The following DNMT3A variants were observed in gnomAD, a reference collection of about 807,000 sequenced individuals.
DNMT3A encodes the protein DNA (cytosine-5)-methyltransferase 3A.
A neutral mutation model predicts 117.6 loss-of-function variants in DNMT3A; 267 were observed. That is an observed-to-expected ratio of 2.27 (90% CI 2.05 to 2.51). The LOEUF is 2.51. DNMT3A is among the 30% of genes most tolerant of loss of function. The pLI, the probability that DNMT3A is intolerant of heterozygous loss-of-function variation, is 0.00. For missense variants in DNMT3A, 1,029 were observed against 1,260.2 expected, an observed-to-expected ratio of 0.82 and a Z score of 2.78; for synonymous variants, 432 against 474.8, an observed-to-expected ratio of 0.91 and a Z score of 1.17.
In DNMT3A at chr2:25,244,143, C is replaced by T; in HGVS notation, c.1851+12G>A. 1 of 1,613,966 alleles carries T rather than the reference C, an allele frequency of 6.2e-7. No homozygotes were observed. On this transcript the variant is annotated intron_variant, in intron 15 of 22. Transcript: ENST00000321117. ...AGGGAGCTCGAGACCGCGCCCCAGG[C>T]CCAGCACTCACAAATTCCTGGTCGT...
chr2:25,307,382 T>C (rs2033837183), intron 2 of DNMT3A, among the ~76,000 whole-genome samples: 1 of 149,118 alleles, frequency 6.7e-6, no homozygotes. Flanking sequence ...GGCCTTGAAC[T>C]CCTGACCTCA....
chr2:25,251,600 C>T (rs1675570260), intron 6 of DNMT3A, among the ~76,000 whole-genome samples: 1 of 152,202 alleles, frequency 6.6e-6, no homozygotes, highest in African/African-American at 2.4e-5. Flanking sequence ...TGAGCGCCAC[C>T]GCCCCCAAGC....
At chr2:25,288,558 C>T (rs1464875337) in intron 3 of DNMT3A, among the ~76,000 whole-genome samples, 1 of 152,136 alleles carries the variant, frequency 6.6e-6, no homozygotes, top group Non-Finnish European at 1.5e-5. Flanking sequence ...GATCCACCCA[C>T]CTCAGCCTCC....
chr2:25,341,568 C>CGGGCG (rs1030481100), intron 1 of DNMT3A, among the ~76,000 whole-genome samples: 4 of 144,430 alleles, frequency 2.8e-5, no homozygotes, highest in Non-Finnish European at 6.1e-5. Context: ...GCGCCGGGAG[C>CGGGCG]GGGCGGGACG....
rs1672885420 is a variant in DNMT3A, at chr2:25,231,509, G to A, written c.*2770C>T. On this transcript the variant is annotated 3_prime_UTR_variant, in exon 23 of 23. Transcript: ENST00000321117. The stretch of plus-strand genomic sequence containing the variant: ...AATTTACTCCTGAGTAATGAGCAGG[G>A]GGTCCAAAGCCTTGGTTTGGTTTTG... 2.0e-5 allele frequency: 3 copies of A among 152,244 alleles called. No individual in the cohort carries two copies. Among genetic ancestry groups the A allele is most frequent in the African/African-American group, 7.2e-5 (3 of 41,464 alleles). 9.4% of individuals were successfully genotyped at this position (152,244 alleles called of 1,614,324 possible).
chr2:25,299,184 G>A (rs1026431853), intron 3 of DNMT3A, among the ~76,000 whole-genome samples: 4 of 152,238 alleles, frequency 2.6e-5, no homozygotes, highest in African/African-American at 9.6e-5. Context: ...CCACATCTGA[G>A]TTTAAGACAT....
Position 25,240,868 on chromosome 2 carries a change from C to T in DNMT3A, c.2083-138G>A, listed in dbSNP as rs542787364. ...GAGACCCAGCTGCTCTGCAGGCTCA[C>T]GACCCTAGCTGCAACCATGGACAAG... On this transcript the variant is annotated intron_variant, in intron 17 of 22. Transcript: ENST00000321117. 259 of 766,214 alleles carry T rather than the reference C, an allele frequency of 3.4e-4. 1 individual carries two copies. The African/African-American group carries it at 4.1e-3, about 12-fold the overall frequency. 47.5% of individuals were successfully genotyped at this position (766,214 alleles called of 1,614,324 possible). A position where few individuals can be genotyped will look rare whatever the true frequency, so the allele number is the denominator to read the frequency against.
intron 6 of DNMT3A, among the ~76,000 whole-genome samples, chr2:25,265,410 A>C (rs1329167804): frequency 6.6e-6 from 1 of 152,254 alleles, no homozygotes; most frequent in Non-Finnish European, 1.5e-5. Context: ...AACAGAAGCA[A>C]CACGAGATTT....
At chr2:25,289,370 G>A (rs937165845) in intron 3 of DNMT3A, among the ~76,000 whole-genome samples, 2 of 152,174 alleles carry the variant, frequency 1.3e-5, no homozygotes, top group African/African-American at 4.8e-5. Flanking sequence ...AAAGTGCTGG[G>A]ATTACAGGCG....
At position 25,254,024 on chromosome 2, in the gene DNMT3A, A is replaced by G. The variant is rs1336974603; in HGVS notation, c.640-5772T>C. Among the ~76,000 whole-genome samples, 1 of 151,600 alleles carries G rather than the reference A, an allele frequency of 6.6e-6. No individual in the cohort carries two copies. Among genetic ancestry groups the G allele is most frequent in the Admixed American group, 6.6e-5 (1 of 15,222 alleles). ...GAGGCGGATGTTGCAGTGAGCCGAG[A>G]TCATGCCACTGCACTCCAGCCTGGG... On this transcript the variant is annotated intron_variant, in intron 6 of 22. Coordinates refer to ENST00000321117, the MANE Select transcript of DNMT3A (RefSeq NM_022552.5). The surrounding 1 kb of genome is among the most constrained non-coding windows in gnomAD (Gnocchi z 4.7).
chr2:25,245,374 G>C, intron 12 of DNMT3A, 42 bp from the exon 13 acceptor site: 1 of 1,575,536 alleles, frequency 6.3e-7, no homozygotes, highest in East Asian at 2.2e-5. Context: ...ACCACCGAAG[G>C]GCCTCTCCCT....
rs768509440 is a variant in DNMT3A at position 25,233,229 on chromosome 2, CT to C, written c.*1049del. The C allele has an allele frequency of 2.6e-5, 6 of 233,660 alleles. No homozygotes were observed. Among genetic ancestry groups the C allele is most frequent in the Non-Finnish European group, 5.1e-5 (6 of 118,034 alleles). The allele number at this position is 233,660 out of a possible 1,614,324, so 14.5% of individuals were successfully genotyped here. ...GGGCCCGACCACCTCATCTAGCCCC[CT>C]TTTTGGCAGGGAGAACCTGGCTCCC... On this transcript the variant is annotated 3_prime_UTR_variant, in exon 23 of 23. Coordinates refer to ENST00000321117, the MANE Select transcript of DNMT3A (RefSeq NM_022552.5).
intron 2 of DNMT3A, among the ~76,000 whole-genome samples, chr2:25,307,582 C>T (rs1458171988): frequency 6.6e-6 from 1 of 151,536 alleles, no homozygotes; most frequent in Non-Finnish European, 1.5e-5. Flanking sequence ...TCTCCCACCT[C>T]AGCTTCCCAA....
chr2:25,288,030 T>C (rs1293549160), intron 3 of DNMT3A, among the ~76,000 whole-genome samples: 1 of 151,366 alleles, frequency 6.6e-6, no homozygotes, highest in Non-Finnish European at 1.5e-5. Flanking sequence ...AAGATGGGGT[T>C]TCACCATGTT....
intron 2 of DNMT3A, among the ~76,000 whole-genome samples, chr2:25,313,628 C>G (rs114231494): frequency 6.6e-6 from 1 of 152,188 alleles, no homozygotes; most frequent in Non-Finnish European, 1.5e-5. Context: ...TCTGTGAGGC[C>G]GAACCCTCAC....
chr2:25,255,455 G>A (rs1402796226), intron 6 of DNMT3A, among the ~76,000 whole-genome samples: 4 of 152,234 alleles, frequency 2.6e-5, no homozygotes, highest in Admixed American at 1.3e-4. Flanking sequence ...AAGAAAATAT[G>A]CTGGATGTCA....
At chr2:25,314,761 C>T (rs1489285348) in intron 1 of DNMT3A, 3 of 950,212 alleles carry the variant, frequency 3.2e-6, no homozygotes, top group Non-Finnish European at 2.5e-6. Context: ...GCCAAGGCCA[C>T]AGGCCACGGC....
At chr2:25,300,632 AATAATATATT>A (rs1221815995) in intron 2 of DNMT3A, among the ~76,000 whole-genome samples, 2 of 87,592 alleles carry the variant, frequency 2.3e-5, no homozygotes, top group African/African-American at 7.7e-5. Context: ...TAGATATCTA[AATAATATATT>A]ATTTAGATAT....
At position 25,241,574 on chromosome 2, in the gene DNMT3A, G is replaced by A. The variant is rs1674028733; in HGVS notation, c.2070C>T (p.Val690=). 6.2e-7 allele frequency: 1 copy of A among 1,613,598 alleles called. No homozygotes were observed. Among genetic ancestry groups the A allele is most frequent in the African/African-American group, 1.3e-5 (1 of 74,922 alleles). Residue 690 remains valine (V), a synonymous_variant, in exon 17 of 23, where the codon GTC becomes GTT. Coordinates refer to ENST00000321117, the MANE Select transcript of DNMT3A (RefSeq NM_022552.5). ...AGCATGGACATACATGCTTCTGTGT[G>A]ACGCTGCGGACGTCCCCGACGTACA... ...KIMYVGDVRS[V]TQKHIQEWGP...
Sources: allele counts gnomAD v4.1 joint callset (sites outside exome capture counted in the v4.1 genomes callset), GRCh38; gene constraint gnomAD v4.1.1; non-coding constraint Gnocchi (gnomAD v3.1); transcripts MANE v1.5; gene names NCBI Gene and HGNC (gene_info 2026-07-23, HGNC 2026-07-21).